Variants in NLRP5 observed in about 807,000 individuals in gnomAD.
The protein encoded by NLRP5 is NACHT, LRR and PYD domains-containing protein 5.
NLRP5 carries 93 observed loss-of-function variants against 113.1 expected under a neutral mutation model. The observed-to-expected ratio is 0.82, with a 90% confidence interval of 0.70 to 0.98. The LOEUF is 0.98. Ranked by LOEUF, NLRP5 falls within the 50% of genes least tolerant of loss-of-function variation. The pLI is 0.00. For synonymous variants in NLRP5, 751 were observed against 600.7 expected, an observed-to-expected ratio of 1.25 and a Z score of -3.66; for missense variants, 1,808 against 1,514.3, an observed-to-expected ratio of 1.19 and a Z score of -3.22.
intron 10 of NLRP5, 84 bp from the exon 11 acceptor site, chr19:56,040,838 T>C: frequency 8.4e-7 from 1 of 1,193,288 alleles, no homozygotes; most frequent in South Asian, 1.4e-5. Context: ...GGGTGATACG[T>C]CTTTCCCCTC....
At chr19:56,005,320 C>T (rs2123269986) in intron 2 of NLRP5, among the ~76,000 whole-genome samples, 1 of 145,430 alleles carries the variant, frequency 6.9e-6, no homozygotes, top group African/African-American at 2.5e-5. Context: ...TATATATACA[C>T]ACATATTTAT....
At chr19:56,018,607 G>C (rs747193426) in intron 4 of NLRP5, 25 of 152,052 alleles carry the variant, frequency 1.6e-4, no homozygotes, top group Admixed American at 1.6e-3. Context: ...CTTTTTTTAA[G>C]AGAGAGAGTT....
chr19:56,033,742 T>C (rs1487175983), intron 9 of NLRP5, 33 bp downstream of exon 9: 2 of 1,553,862 alleles, frequency 1.3e-6, no homozygotes, highest in Non-Finnish European at 1.7e-6. Flanking sequence ...GCCTTGTTTT[T>C]CTTCGTTTTT....
At chr19:56,009,805 C>T (rs1288261299) in intron 3 of NLRP5, among the ~76,000 whole-genome samples, 2 of 152,158 alleles carry the variant, frequency 1.3e-5, no homozygotes, top group African/African-American at 2.4e-5. Context: ...TTGAAGCCAA[C>T]CTCGTTTTGA....
At chr19:56,020,886 T>C (rs1392741013) in intron 6 of NLRP5, among the ~76,000 whole-genome samples, 1 of 151,916 alleles carries the variant, frequency 6.6e-6, no homozygotes, top group Non-Finnish European at 1.5e-5. Flanking sequence ...TTTTTTTTTT[T>C]TTTTTGAGAA....
At chr19:56,025,329 C>G (rs977414893) in intron 6 of NLRP5, among the ~76,000 whole-genome samples, 3 of 152,058 alleles carry the variant, frequency 2.0e-5, no homozygotes, top group Admixed American at 1.3e-4. Context: ...GATCACTGCT[C>G]TACCGTAGAG....
chr19:55,999,200 TTTTTTC>T (rs1309366904), upstream of NLRP5, among the ~76,000 whole-genome samples: 1 of 144,762 alleles, frequency 6.9e-6, no homozygotes, highest in African/African-American at 2.6e-5. Flanking sequence ...CTAAATCTTT[TTTTTTC>T]TTTTTCTTTT....
chr19:56,060,041 G>A (rs1984294828), intron 14 of NLRP5, among the ~76,000 whole-genome samples: 2 of 152,216 alleles, frequency 1.3e-5, no homozygotes, highest in South Asian at 4.1e-4. Context: ...ATGGCTCAAT[G>A]AATCTGGGAG....
At chr19:56,013,439 A>G (rs550039977) in intron 3 of NLRP5, among the ~76,000 whole-genome samples, 80 of 151,924 alleles carry the variant, frequency 5.3e-4, no homozygotes, top group Non-Finnish European at 8.4e-4. Flanking sequence ...TGATCTGCCC[A>G]CCTCAGCCTC....
At chr19:56,044,255 G>A (rs1037456485) in intron 11 of NLRP5, among the ~76,000 whole-genome samples, 2 of 151,722 alleles carry the variant, frequency 1.3e-5, no homozygotes, top group East Asian at 2.0e-4. Flanking sequence ...GTAGAGACGG[G>A]GTTTCACTGT....
At chr19:55,998,676 A>G (rs74182583), upstream of NLRP5, among the ~76,000 whole-genome samples, 23,888 of 63,878 alleles carry the variant, frequency 0.37, 4,556 homozygotes, top group East Asian at 0.54. Context: ...GTGTGTGTAT[A>G]TATATATATA....
At chr19:56,001,100 A>G (rs1409384279) in intron 1 of NLRP5, among the ~76,000 whole-genome samples, 1 of 151,210 alleles carries the variant, frequency 6.6e-6, no homozygotes, top group African/African-American at 2.4e-5. Flanking sequence ...GGGTAAGAGG[A>G]TTACTTGAGC....
chr19:55,998,706 G>GTATATATATATATA (rs1388437988), upstream of NLRP5, among the ~76,000 whole-genome samples: 330 of 31,268 alleles, frequency 0.011, 26 homozygotes, highest in African/African-American at 0.028. Context: ...ATATATATGT[G>GTATATATATATATA]TGTGTGTGTA....
chr19:56,025,196 AATC>A (rs1305352530), intron 6 of NLRP5, among the ~76,000 whole-genome samples: 1 of 152,120 alleles, frequency 6.6e-6, no homozygotes, highest in African/African-American at 2.4e-5. Flanking sequence ...ATTACAATGT[AATC>A]ATAATAAAGT....
At chr19:56,011,538 A>C (rs958062119) in intron 3 of NLRP5, among the ~76,000 whole-genome samples, 2 of 152,148 alleles carry the variant, frequency 1.3e-5, no homozygotes, top group African/African-American at 4.8e-5. Flanking sequence ...AATAAGATAC[A>C]TCCATCCGAA....
intron 9 of NLRP5, among the ~76,000 whole-genome samples, chr19:56,035,406 G>A (rs1359421994): frequency 6.6e-6 from 1 of 152,242 alleles, no homozygotes; most frequent in African/African-American, 2.4e-5. Flanking sequence ...GGACGGAAAT[G>A]CTGTGCCTGA....
chr19:56,057,450 C>T (rs1308001969), intron 13 of NLRP5, among the ~76,000 whole-genome samples: 1 of 152,180 alleles, frequency 6.6e-6, no homozygotes, highest in Admixed American at 6.5e-5. Flanking sequence ...TCTTTTCTAG[C>T]CATCTAGTCA....
Position 56,004,110 on chromosome 19 carries a change from G to A in NLRP5, c.442+15G>A. 6.3e-7 allele frequency: 1 copy of A among 1,590,542 alleles called. No individual in the cohort carries two copies. Among genetic ancestry groups the A allele is most frequent in the Non-Finnish European group, 8.6e-7 (1 of 1,167,336 alleles). ...TGACATGAAAAGTAAGCGAGACTTG[G>A]GACAAGTCTAGGGCAGGGAGGGGAG... On this transcript the variant is annotated intron_variant, in intron 2 of 14. Coordinates refer to ENST00000390649, the MANE Select transcript of NLRP5 (RefSeq NM_153447.4).
chr19:56,015,902 A>C (rs772804844), intron 4 of NLRP5, 104 bp downstream of exon 4: 4 of 820,286 alleles, frequency 4.9e-6, no homozygotes, highest in Non-Finnish European at 7.5e-6. Flanking sequence ...CCCTTTCTTC[A>C]TCCTCATTTG....
Sources: gnomAD v4.1 joint callset for allele counts (sites outside exome capture counted in the v4.1 genomes callset) on GRCh38, gnomAD v4.1.1 for gene constraint, MANE v1.5 for transcripts, NCBI Gene and HGNC (gene_info 2026-07-23, HGNC 2026-07-21) for gene names.